Variants in VWA3A observed in about 807,000 individuals in gnomAD.
VWA3A encodes the protein von Willebrand factor A domain containing 3A, also known as von Willebrand factor A domain-containing protein 3A.
Under a neutral mutation model 160.4 loss-of-function variants are expected in VWA3A, and 134 were observed. That is an observed-to-expected ratio of 0.84 (90% CI 0.73 to 0.96). The LOEUF is 0.96. Ranked by LOEUF, VWA3A falls within the 40% of genes least tolerant of loss-of-function variation. The pLI is 0.00. For missense variants in VWA3A, 1,310 were observed against 1,447.9 expected (o/e 0.90, Z 1.55); for synonymous variants, 476 against 543.4 (o/e 0.88, Z 1.72).
intron 3 of VWA3A, among the ~76,000 whole-genome samples, chr16:22,097,968 G>A (rs1371703866): frequency 2.0e-5 from 3 of 152,214 alleles, no homozygotes; most frequent in Admixed American, 6.5e-5. Flanking sequence ...GAAGTCTTAA[G>A]CATTTGATTC....
rs750392134 is a variant in VWA3A, at chr16:22,152,513, C to T, written c.3284C>T (p.Ala1095Val). The change falls in exon 31 of 34, where the codon GCG becomes GTG. Residue 1095 changes from alanine (A) to valine (V), a missense_variant and splice_region_variant. Physicochemically the swap from Ala to Val is moderately conservative, Grantham distance 64. Transcript: ENST00000389398. ...AGCCCTCTGTCCCTTCCTTCCAGAG[C>T]GGCGGTTGAGTTCCTGAGAAAGCTG... is the stretch of plus-strand genomic sequence containing the variant. ...HTISLNCSDR[A>V]AVEFLRKLAS... 3.2e-5 allele frequency: 52 copies of T among 1,610,022 alleles called. No individual in the cohort carries two copies. Among genetic ancestry groups the T allele is most frequent in the Non-Finnish European group, 3.7e-5 (44 of 1,177,322 alleles).
intron 31 of VWA3A, among the ~76,000 whole-genome samples, chr16:22,155,067 T>C (rs1288143941): frequency 4.1e-5 from 6 of 145,442 alleles, no homozygotes; most frequent in South Asian, 2.2e-4. Context: ...AGTGGGAGGA[T>C]AGCTTGAGCC....
At position 22,131,637 on chromosome 16, in the gene VWA3A, C is replaced by T. The variant is rs369110616; in HGVS notation, c.1780C>T (p.Arg594Trp). Residue 594 changes from arginine to tryptophan, a missense_variant, in exon 19 of 34, where the codon CGG becomes TGG. Transcript: ENST00000389398. ...RGSRNVLSAL[R>W]KAVEVDFKDK... ...CAGCAGGAACGTTCTCAGCGCCCTG[C>T]GGAAGGCTGTGGAAGTAGACTTCAA... is the stretch of plus-strand genomic sequence containing the variant. The T allele has an allele frequency of 5.2e-5, 84 of 1,613,752 alleles. 1 individual carries two copies. The highest frequency in any genetic ancestry group is 6.7e-5 in the East Asian group (3 of 44,894).
intron 23 of VWA3A, chr16:22,141,338 C>G: frequency 1.6e-6 from 1 of 640,072 alleles, no homozygotes. Flanking sequence ...AGGCAGCATA[C>G]TCAAAGCACT....
At chr16:22,093,596 C>T (rs974961827) in intron 1 of VWA3A, among the ~76,000 whole-genome samples, 1 of 152,164 alleles carries the variant, frequency 6.6e-6, no homozygotes, top group Non-Finnish European at 1.5e-5. Context: ...GAAGATGCAG[C>T]CCATATTTTA....
At chr16:22,143,149 CAA>C (rs776095104) in intron 25 of VWA3A, among the ~76,000 whole-genome samples, 44 of 68,732 alleles carry the variant, frequency 6.4e-4, no homozygotes, top group Admixed American at 7.0e-4. Flanking sequence ...GACTCTGTCT[CAA>C]AAAAAAAAAA....
chr16:22,104,955 T>C (rs1237724082), intron 6 of VWA3A, among the ~76,000 whole-genome samples: 1 of 151,780 alleles, frequency 6.6e-6, no homozygotes, highest in Non-Finnish European at 1.5e-5. Flanking sequence ...TGCTCCCTAC[T>C]CCCAATCCCC....
At chr16:22,139,245 C>T (rs2046099898) in intron 22 of VWA3A, among the ~76,000 whole-genome samples, 1 of 152,226 alleles carries the variant, frequency 6.6e-6, no homozygotes, top group South Asian at 2.1e-4. Flanking sequence ...CAGGAGCCAG[C>T]TCAGGCACTT....
At chr16:22,116,066 G>A (rs1302151125) in intron 9 of VWA3A, among the ~76,000 whole-genome samples, 1 of 150,398 alleles carries the variant, frequency 6.6e-6, no homozygotes, top group Non-Finnish European at 1.5e-5. Flanking sequence ...CATGAGGGAG[G>A]GATGGCAGTC....
chr16:22,148,071 C>T, intron 27 of VWA3A, 91 bp from the exon 28 acceptor site: 1 of 1,442,972 alleles, frequency 6.9e-7, no homozygotes, highest in East Asian at 2.5e-5. Flanking sequence ...TGTCACAAGA[C>T]TTTATACTTG....
intron 31 of VWA3A, among the ~76,000 whole-genome samples, chr16:22,153,255 A>G (rs2046381232): frequency 6.6e-6 from 1 of 152,188 alleles, no homozygotes; most frequent in Non-Finnish European, 1.5e-5. Context: ...CTGAGGCAGA[A>G]TTGCTTAAGC....
At chr16:22,117,241 C>T in intron 11 of VWA3A, 65 bp downstream of exon 11, 6 of 1,517,446 alleles carry the variant, frequency 4.0e-6, no homozygotes, top group African/African-American at 1.4e-5. Context: ...AGGTTGTACC[C>T]AGGAGATCTG....
intron 27 of VWA3A, among the ~76,000 whole-genome samples, chr16:22,146,779 A>C (rs542091490): frequency 6.6e-6 from 1 of 152,156 alleles, no homozygotes; most frequent in African/African-American, 2.4e-5. Flanking sequence ...AAAAAAAAAA[A>C]AAATGACAGT....
chr16:22,133,049 G>A lies in VWA3A; in HGVS notation c.2022G>A (p.Glu674=), dbSNP rs754179166. The A allele has an allele frequency of 6.8e-6, 11 of 1,613,752 alleles. No individual in the cohort carries two copies. The highest frequency in any genetic ancestry group is 8.5e-6 in the Non-Finnish European group (10 of 1,179,854). The change falls in exon 20 of 34, where the codon GAG becomes GAA. Residue 674 remains glutamate, a synonymous_variant. Transcript: ENST00000389398. The part of the protein sequence containing the change: ...SHTDTAAAYK[E]VTRAAGGRFH... ...CTGACACAGCCGCCGCCTACAAGGA[G>A]GTCACCCGGGCTGCAGGTGGCCGCT...
chr16:22,128,251 G>A (rs534616048), intron 17 of VWA3A, among the ~76,000 whole-genome samples: 35 of 152,252 alleles, frequency 2.3e-4, no homozygotes, highest in South Asian at 1.0e-3. Context: ...TCGGGTTTGC[G>A]TCTTCAAATG....
intron 16 of VWA3A, 70 bp from the exon 17 acceptor site, chr16:22,126,108 G>A: frequency 5.0e-6 from 8 of 1,595,298 alleles, no homozygotes; most frequent in East Asian, 2.3e-5. Context: ...ACTTTAAATA[G>A]TAAAATGGAA....
chr16:22,101,144 C>T (rs968976837), intron 5 of VWA3A, among the ~76,000 whole-genome samples: 2 of 152,070 alleles, frequency 1.3e-5, no homozygotes, highest in Non-Finnish European at 2.9e-5. Flanking sequence ...ATAATCCTAG[C>T]GCTTTGAGAG....
intron 19 of VWA3A, among the ~76,000 whole-genome samples, 198 bp downstream of exon 19, chr16:22,131,927 T>C (rs1009230230): frequency 6.6e-6 from 1 of 152,036 alleles, no homozygotes; most frequent in Non-Finnish European, 1.5e-5. Context: ...TGAGACCACA[T>C]TTCTGTAAAA....
At chr16:22,123,920 A>G (rs2045792682) in intron 16 of VWA3A, among the ~76,000 whole-genome samples, 1 of 152,098 alleles carries the variant, frequency 6.6e-6, no homozygotes. Flanking sequence ...CATTTTTGCA[A>G]TCCCAGCACT....
Sources: gnomAD v4.1 joint callset for allele counts (sites outside exome capture counted in the v4.1 genomes callset) on GRCh38, gnomAD v4.1.1 for gene constraint, MANE v1.5 for transcripts, NCBI Gene and HGNC (gene_info 2026-07-23, HGNC 2026-07-21) for gene names.